The following DLEU7 variants were observed in gnomAD, a reference collection of about 807,000 sequenced individuals.
DLEU7 encodes the protein leukemia-associated protein 7.
In DLEU7, 17 loss-of-function variants were observed where a neutral mutation model predicts 16.0. That is an observed-to-expected ratio of 1.06 (90% CI 0.73 to 1.59). DLEU7 has a LOEUF of 1.59. Among genes scored for constraint, DLEU7 ranks in the 40% most tolerant of loss-of-function variants. DLEU7 has a pLI of 0.00. For missense variants in DLEU7, 308 were observed against 314.9 expected (o/e 0.98, Z 0.17); for synonymous variants, 113 against 139.8 (o/e 0.81, Z 1.35).
chr13:50,816,763 A>G (rs1876748706), intron 1 of DLEU7, among the ~76,000 whole-genome samples: 1 of 152,162 alleles, frequency 6.6e-6, no homozygotes. Context: ...GGAATTCTTT[A>G]AGGTGGGTCT....
At chr13:50,820,668 AG>A (rs1255365027), downstream of DLEU7, among the ~76,000 whole-genome samples, 1 of 152,180 alleles carries the variant, frequency 6.6e-6, no homozygotes, top group Admixed American at 6.6e-5. Context: ...AAGGTGTGGA[AG>A]AGCCTTCAGA....
At chr13:50,815,465 C>G (rs762314808) in intron 1 of DLEU7, among the ~76,000 whole-genome samples, 42 of 152,034 alleles carry the variant, frequency 2.8e-4, no homozygotes, top group Non-Finnish European at 5.1e-4. Context: ...ACATACAGAG[C>G]CTTACTGAGT....
intron 1 of DLEU7, among the ~76,000 whole-genome samples, chr13:50,799,921 A>G (rs1443164402): frequency 6.6e-6 from 1 of 152,202 alleles, no homozygotes; most frequent in African/African-American, 2.4e-5. Context: ...CTGCATAACT[A>G]CTGGATGTCC....
intron 1 of DLEU7, among the ~76,000 whole-genome samples, chr13:50,779,147 C>A (rs115568189): frequency 1.1e-4 from 17 of 152,266 alleles, no homozygotes; most frequent in Admixed American, 4.6e-4. Flanking sequence ...GTACAGCCAG[C>A]GTGACAGATA....
chr13:50,732,606 C>CAAAAAAAAAAAAAAAAAAA lies in DLEU7; in HGVS notation c.460-19385_460-19367dup, dbSNP rs58395582. On this transcript the variant is annotated intron_variant, in intron 1 of 1. Coordinates refer to the DLEU7 transcript ENST00000400393. ...CAGGCAACAGTATGAGACTCCATCT[C>CAAAAAAAAAAAAAAAAAAA]AAAAAAAAAAAAAAAAAAAAGCTTA... Among the ~76,000 whole-genome samples, 8 of 65,932 alleles carry CAAAAAAAAAAAAAAAAAAA rather than the reference C, an allele frequency of 1.2e-4. 1 individual carries two copies. The highest frequency in any genetic ancestry group is 2.8e-4 in the African/African-American group (4 of 14,082). 43.3% of individuals were successfully genotyped at this position (65,932 alleles called of 152,430 possible). A position where few individuals can be genotyped will look rare whatever the true frequency, so the allele number is the denominator to read the frequency against.
At chr13:50,769,208 T>A (rs1355303036) in intron 1 of DLEU7, among the ~76,000 whole-genome samples, 2 of 152,212 alleles carry the variant, frequency 1.3e-5, no homozygotes, top group Non-Finnish European at 2.9e-5. Flanking sequence ...GATGGGTAGA[T>A]TGCAAAAATT....
intron 1 of DLEU7, among the ~76,000 whole-genome samples, chr13:50,770,541 T>C (rs1277521172): frequency 6.6e-6 from 1 of 152,244 alleles, no homozygotes; most frequent in Non-Finnish European, 1.5e-5. Flanking sequence ...ATGTGGTTTT[T>C]GTCTTTGGTT....
chr13:50,803,901 T>C (rs182348709), intron 1 of DLEU7, among the ~76,000 whole-genome samples: 22 of 152,274 alleles, frequency 1.4e-4, no homozygotes, highest in African/African-American at 3.6e-4. Context: ...AGATTTGTAA[T>C]GGACTTAAAG....
At chr13:50,742,350 T>C (rs939297731) in intron 1 of DLEU7, among the ~76,000 whole-genome samples, 4 of 152,198 alleles carry the variant, frequency 2.6e-5, no homozygotes, top group African/African-American at 7.2e-5. Context: ...CTCTTCAAAA[T>C]TGAAGACTAT....
chr13:50,811,405 C>T (rs1167471605), intron 1 of DLEU7, among the ~76,000 whole-genome samples: 1 of 152,106 alleles, frequency 6.6e-6, no homozygotes, highest in Non-Finnish European at 1.5e-5. Context: ...CATGGCTTTA[C>T]TGAGAGCTTT....
At chr13:50,836,060 C>T (rs1393613937) in intron 1 of DLEU7, among the ~76,000 whole-genome samples, 1 of 152,196 alleles carries the variant, frequency 6.6e-6, no homozygotes, top group Non-Finnish European at 1.5e-5. Flanking sequence ...TTTTCTCCTA[C>T]CATGTCACCT....
intron 1 of DLEU7, among the ~76,000 whole-genome samples, chr13:50,713,754 G>T (rs1356066253): frequency 1.3e-5 from 2 of 152,172 alleles, no homozygotes; most frequent in Non-Finnish European, 2.9e-5. Flanking sequence ...AACAGAGGAA[G>T]CTGGGCTTGA....
rs1041046267 is a variant in DLEU7, at chr13:50,746,054, A to G, written c.460-32814T>C. ...GGCCATAGACAGCTGTGCTCCATCA[A>G]CTTATTACTGATCTGTCTGCTTCGG... On this transcript the variant is annotated intron_variant, in intron 1 of 1. Transcript: ENST00000400393. Among the ~76,000 whole-genome samples, 5 of 152,200 alleles carry G rather than the reference A, an allele frequency of 3.3e-5. No individual in the cohort carries two copies. In the East Asian group the frequency reaches 9.6e-4, roughly 29 times the overall value.
intron 1 of DLEU7, among the ~76,000 whole-genome samples, chr13:50,746,979 A>G (rs1006726343): frequency 6.6e-6 from 1 of 152,112 alleles, no homozygotes; most frequent in Non-Finnish European, 1.5e-5. Context: ...ACATGTATAG[A>G]GTGAATATAA....
chr13:50,733,942 T>TATTG (rs1873991862), intron 1 of DLEU7, among the ~76,000 whole-genome samples: 1 of 152,228 alleles, frequency 6.6e-6, no homozygotes, highest in South Asian at 2.1e-4. Flanking sequence ...GACTCTGATA[T>TATTG]ATTGATTCCA....
intron 1 of DLEU7, chr13:50,840,006 T>TGCTA (rs1277058375): frequency 6.6e-6 from 1 of 152,150 alleles, no homozygotes; most frequent in Non-Finnish European, 1.5e-5. Context: ...TTGACTGCTG[T>TGCTA]GCTATGCTCT....
At chr13:50,729,389 T>G (rs77209296) in intron 1 of DLEU7, among the ~76,000 whole-genome samples, 5,770 of 152,284 alleles carry the variant, frequency 0.038, 358 homozygotes, top group African/African-American at 0.13. Flanking sequence ...TGCATAGTAT[T>G]CCATGATATA....
At chr13:50,713,000 G>T in exon 2 of DLEU7, 1 of 551,224 alleles carries the variant, frequency 1.8e-6, no homozygotes, top group Non-Finnish European at 3.2e-6. Flanking sequence ...AAAGAAAGCA[G>T]GATGATTTGT....
chr13:50,725,067 A>G (rs1260388312), intron 1 of DLEU7, among the ~76,000 whole-genome samples: 4 of 147,052 alleles, frequency 2.7e-5, no homozygotes, highest in Admixed American at 6.6e-5. Flanking sequence ...GTATGTATGT[A>G]AGCCAAAGTT....
Sources: gnomAD v4.1 joint callset for allele counts (sites outside exome capture counted in the v4.1 genomes callset) on GRCh38, gnomAD v4.1.1 for gene constraint, MANE v1.5 for transcripts, NCBI Gene and HGNC (gene_info 2026-07-23, HGNC 2026-07-21) for gene names.